Variants in KIF1B observed in about 807,000 individuals in gnomAD.
KIF1B encodes kinesin family member 1B.
Under a neutral mutation model 241.9 loss-of-function variants are expected in KIF1B, and 76 were observed. That is an observed-to-expected ratio of 0.31 (90% confidence interval 0.26 to 0.38). The LOEUF is 0.38. Ranked by LOEUF, KIF1B falls within the 10% of genes least tolerant of loss-of-function variation. KIF1B has a pLI of 1.00. For missense variants in KIF1B, 1,622 were observed against 2,271.4 expected (o/e 0.71, Z 5.81); for synonymous variants, 750 against 796.7 (o/e 0.94, Z 0.99).
Position 10,237,534 on chromosome 1 carries a change from G to T in KIF1B, c.106+5100G>T, listed in dbSNP as rs142481055. Among the ~76,000 whole-genome samples, 735 of 152,148 alleles carry T rather than the reference G, an allele frequency of 4.8e-3. 8 individuals carry two copies. Among genetic ancestry groups the T allele is most frequent in the African/African-American group, 0.017 (692 of 41,492 alleles). On this transcript the variant is annotated intron_variant, in intron 2 of 48. Transcript: ENST00000676179. ...TTCATATATTTAACAACCTTCCTTT[G>T]CCAGGACCTTTTTTTTCCCCAGTGC...
chr1:10,250,458 C>A (rs1647375767), intron 2 of KIF1B, among the ~76,000 whole-genome samples: 1 of 151,852 alleles, frequency 6.6e-6, no homozygotes, highest in Non-Finnish European at 1.5e-5. Context: ...CTTGCCTCAG[C>A]CTCCCAAGTA....
rs1650231445 is a variant in KIF1B, at chr1:10,295,761, G to C, written c.1772G>C (p.Gly591Ala). The change falls in exon 19 of 49, where the codon GGG (glycine) becomes GCG (alanine). Residue 591 changes from glycine to alanine, a missense_variant. Coordinates refer to ENST00000676179, the MANE Select transcript of KIF1B (RefSeq NM_001365951.3). ...TTCCGGAGTGAGAGAAGCAACAGCGGGGAAGGTGAGCATTCCTGGCTGGAG... is the reference window on the plus strand; with the variant it reads ...TTCCGGAGTGAGAGAAGCAACAGCGCGGAAGGTGAGCATTCCTGGCTGGAG... ...CIFRSERSNS[G>A]EVIVTLEPCE... The C allele has an allele frequency of 1.2e-6, 2 of 1,612,134 alleles. No homozygotes were observed. Among genetic ancestry groups the C allele is most frequent in the Non-Finnish European group, 1.7e-6 (2 of 1,178,618 alleles).
At chr1:10,231,421 T>G (rs1248317089) in intron 1 of KIF1B, among the ~76,000 whole-genome samples, 1 of 149,150 alleles carries the variant, frequency 6.7e-6, no homozygotes, top group Admixed American at 6.7e-5. Flanking sequence ...TGTCTTGCTT[T>G]GTTGCCCAGG....
chr1:10,306,783 A>T (rs1650853114), intron 22 of KIF1B: 1 of 984,030 alleles, frequency 1.0e-6, no homozygotes, highest in Non-Finnish European at 1.2e-6. Flanking sequence ...AAAAAAAAAA[A>T]AGGTAATATT....
At chr1:10,324,653 C>CTTTT in intron 25 of KIF1B, 105 bp from the exon 26 acceptor site, 10 of 1,145,320 alleles carry the variant, frequency 8.7e-6, no homozygotes, top group Non-Finnish European at 1.0e-5. Flanking sequence ...GGAGCAACTC[C>CTTTT]TTTTTTTTTT....
Position 10,303,423 on chromosome 1 carries a change from G to T in KIF1B, c.2115+6177G>T. On this transcript the variant is annotated intron_variant, in intron 22 of 48. Coordinates refer to ENST00000676179, the MANE Select transcript of KIF1B (RefSeq NM_001365951.3). This position sits in a 1 kb window ranked among gnomAD's most constrained non-coding sequence, Gnocchi z 5.2. Reference sequence around the variant, plus strand: ...AGGCTGTCAAAGAGATTTGCTATGAGGTTGCTCTCAATGACTTCAGGCACA... The same window carrying T: ...AGGCTGTCAAAGAGATTTGCTATGATGTTGCTCTCAATGACTTCAGGCACA... 6.2e-7 allele frequency: 1 copy of T among 1,614,198 alleles called. No individual in the cohort carries two copies. Among genetic ancestry groups the T allele is most frequent in the Non-Finnish European group, 8.5e-7 (1 of 1,180,038 alleles).
chr1:10,295,846 G>A, intron 19 of KIF1B, 80 bp downstream of exon 19: 1 of 1,189,344 alleles, frequency 8.4e-7, no homozygotes, highest in East Asian at 2.4e-5. Flanking sequence ...TGTATTCTCT[G>A]TCTATCAGTA....
At chr1:10,315,499 A>G (rs754902446) in intron 22 of KIF1B, among the ~76,000 whole-genome samples, 3 of 151,392 alleles carry the variant, frequency 2.0e-5, no homozygotes, top group Non-Finnish European at 4.4e-5. Flanking sequence ...TAATACCACT[A>G]TCCCATCTAG....
chr1:10,282,265 C>A, intron 14 of KIF1B, 57 bp from the exon 15 acceptor site: 1 of 1,376,532 alleles, frequency 7.3e-7, no homozygotes, highest in Non-Finnish European at 1.0e-6. Flanking sequence ...TTTTTTCTTC[C>A]TCTGCTTCTT....
intron 43 of KIF1B, among the ~76,000 whole-genome samples, chr1:10,367,181 C>T (rs1490894119): frequency 1.3e-5 from 2 of 151,644 alleles, no homozygotes; most frequent in South Asian, 2.1e-4. Flanking sequence ...CTGCAACCTC[C>T]ACTTCCCAGG....
rs553221272 is a variant in KIF1B, at chr1:10,216,787, C to T, written c.-80+5909C>T. Among the ~76,000 whole-genome samples the T allele has an allele frequency of 4.6e-5, 7 of 152,112 alleles. No individual in the cohort carries two copies. In the South Asian group the frequency reaches 1.5e-3, roughly 32 times the overall value. ...GAAAAAAGGGCATGAACTCCCTGAG[C>T]TTTCCCTTCCTCTACTTACAAACTT... On this transcript the variant is annotated intron_variant, in intron 1 of 48. Coordinates refer to ENST00000676179, the MANE Select transcript of KIF1B (RefSeq NM_001365951.3).
chr1:10,247,445 A>C (rs1462557410), intron 2 of KIF1B, among the ~76,000 whole-genome samples: 1 of 152,132 alleles, frequency 6.6e-6, no homozygotes, highest in Non-Finnish European at 1.5e-5. Flanking sequence ...ACATTATGCT[A>C]TTTGTATTAG....
chr1:10,241,889 G>A (rs150368806), intron 2 of KIF1B, among the ~76,000 whole-genome samples: 13 of 152,240 alleles, frequency 8.5e-5, no homozygotes, highest in African/African-American at 2.4e-4. Flanking sequence ...ATGGCAGCTA[G>A]CAAAGTCTGG....
Position 10,334,510 on chromosome 1 carries a change from C to A in KIF1B, c.2925-10C>A. ...TGTTCTGACATTTGTCTCCTGGTTTCTGTCTTTAGGGCATTTGTTTACCTG... is the reference window on the plus strand; with the variant it reads ...TGTTCTGACATTTGTCTCCTGGTTTATGTCTTTAGGGCATTTGTTTACCTG... On this transcript the variant is annotated splice_polypyrimidine_tract_variant and intron_variant, in intron 27 of 48. Coordinates refer to ENST00000676179, the MANE Select transcript of KIF1B (RefSeq NM_001365951.3). The A allele has an allele frequency of 6.3e-7, 1 of 1,596,892 alleles. No individual in the cohort carries two copies. The highest frequency in any genetic ancestry group is 1.1e-5 in the South Asian group (1 of 90,670).
chr1:10,343,433 A>G, intron 34 of KIF1B, 146 bp downstream of exon 34: 2 of 827,568 alleles, frequency 2.4e-6, no homozygotes. Flanking sequence ...TGTATCTAGT[A>G]GGAACTAGAA....
rs11121551 is a variant in KIF1B, at chr1:10,375,112, T to C, written c.5289+66T>C. On this transcript the variant is annotated intron_variant, in intron 47 of 48. Transcript: ENST00000676179. ...CCCTTCTCTTTTGATTTCTGCACTC[T>C]CTGTTACGTGGTGTGAAATTTCCCT... is the stretch of plus-strand genomic sequence containing the variant. The C allele has an allele frequency of 0.35, 533,716 of 1,544,138 alleles. 93,584 individuals are homozygous for C. The highest frequency in any genetic ancestry group is 0.39 in the Admixed American group (22,918 of 59,326).
intron 24 of KIF1B, among the ~76,000 whole-genome samples, chr1:10,323,103 C>T (rs1226328889): frequency 6.6e-6 from 1 of 152,158 alleles, no homozygotes; most frequent in East Asian, 1.9e-4. Context: ...CTCAAGTGAT[C>T]CTTCCGCCTC....
chr1:10,304,600 C>T, intron 22 of KIF1B: 1 of 1,614,064 alleles, frequency 6.2e-7, no homozygotes, highest in Non-Finnish European at 8.5e-7. Context: ...GATGAGGAGA[C>T]AGTTCTCAGC....
intron 22 of KIF1B, chr1:10,307,333 A>C (rs1650878286): frequency 1.0e-6 from 1 of 991,316 alleles, no homozygotes; most frequent in Non-Finnish European, 1.2e-6. Context: ...TTGTTTTGTG[A>C]TAGTCTTGCT....
Sources: allele counts gnomAD v4.1 joint callset (sites outside exome capture counted in the v4.1 genomes callset), GRCh38; gene constraint gnomAD v4.1.1; non-coding constraint Gnocchi (gnomAD v3.1); transcripts MANE v1.5; gene names NCBI Gene and HGNC (gene_info 2026-07-23, HGNC 2026-07-21).